Variants in GABRG2 observed in about 807,000 individuals in gnomAD.
GABRG2 encodes gamma-aminobutyric acid type A receptor subunit gamma2, also known as gamma-aminobutyric acid receptor subunit gamma-2.
A neutral mutation model predicts 56.4 loss-of-function variants in GABRG2; 16 were observed. The ratio of observed to expected loss-of-function variants is 0.28; its 90% CI spans 0.19 to 0.43. GABRG2 has a LOEUF of 0.43. Among genes scored for constraint, GABRG2 ranks in the 20% least tolerant of loss-of-function variants. The probability of loss-of-function intolerance (pLI) is 1.00; values close to 1 mark genes in which losing one functional copy is unlikely to be tolerated. For synonymous variants in GABRG2, 208 were observed against 205.5 expected (o/e 1.01, Z -0.10); for missense variants, 327 against 582.7 (o/e 0.56, Z 4.52).
intron 1 of GABRG2, among the ~76,000 whole-genome samples, chr5:162,072,380 CT>C (rs1758741029): frequency 6.6e-6 from 1 of 151,966 alleles, no homozygotes; most frequent in Admixed American, 6.6e-5. Context: ...CCAAACACTT[CT>C]GCCAAATTGG....
At chr5:162,142,458 T>A in intron 7 of GABRG2, 142 bp downstream of exon 7, 4 of 901,214 alleles carry the variant, frequency 4.4e-6, no homozygotes, top group Non-Finnish European at 7.0e-6. Context: ...TCAAGAGAAC[T>A]GGCATTTTTA....
intron 7 of GABRG2, among the ~76,000 whole-genome samples, chr5:162,147,198 TTTCTTTCTTTCTTCC>T (rs1419844642): frequency 6.6e-6 from 1 of 150,650 alleles, no homozygotes; most frequent in Non-Finnish European, 1.5e-5. Flanking sequence ...TTTCTTTCTC[TTTCTTTCTTTCTTCC>T]TTCTTTCTTT....
At chr5:162,108,305 C>T (rs374989053) in intron 6 of GABRG2, among the ~76,000 whole-genome samples, 22 of 152,244 alleles carry the variant, frequency 1.4e-4, no homozygotes, top group African/African-American at 5.1e-4. Context: ...TGAGCACAAG[C>T]TATTGTTTCT....
chr5:162,091,431 G>T (rs1424505248), intron 1 of GABRG2, among the ~76,000 whole-genome samples: 3 of 152,042 alleles, frequency 2.0e-5, no homozygotes, highest in Non-Finnish European at 4.4e-5. Flanking sequence ...CCTTACACGG[G>T]AATGTAATAT....
chr5:162,121,729 C>T (rs1762992286), intron 6 of GABRG2, among the ~76,000 whole-genome samples: 1 of 151,964 alleles, frequency 6.6e-6, no homozygotes, highest in South Asian at 2.1e-4. Context: ...TTTTTAAAGA[C>T]ATGCTGGAGT....
chr5:162,140,327 A>ATTTT (rs1764464357), intron 6 of GABRG2, among the ~76,000 whole-genome samples: 1 of 152,212 alleles, frequency 6.6e-6, no homozygotes, highest in Non-Finnish European at 1.5e-5. Flanking sequence ...AACAAAAGGC[A>ATTTT]GTGTTAAGAG....
intron 6 of GABRG2, among the ~76,000 whole-genome samples, chr5:162,118,204 GGT>G (rs3079259): frequency 0.54 from 78,890 of 145,970 alleles, 21,606 homozygotes; most frequent in South Asian, 0.64. Flanking sequence ...AGGTTCTGAT[GGT>G]GTGTGTGTGT....
At chr5:162,152,811 T>C in intron 9 of GABRG2, 1 of 594,244 alleles carries the variant, frequency 1.7e-6, no homozygotes, top group Non-Finnish European at 3.0e-6. Context: ...TGTAATTTGA[T>C]TTAAATATTT....
chr5:162,095,690 T>A (rs1379567883), intron 3 of GABRG2, 128 bp downstream of exon 3: 2 of 671,350 alleles, frequency 3.0e-6, no homozygotes, highest in Non-Finnish European at 5.3e-6. Context: ...TGAAAGATAG[T>A]CTTCCAGATC....
At chr5:162,141,181 C>T (rs1026322481) in intron 6 of GABRG2, among the ~76,000 whole-genome samples, 20 of 151,840 alleles carry the variant, frequency 1.3e-4, no homozygotes, top group Non-Finnish European at 2.4e-4. Context: ...GGACTACAGG[C>T]GCCCGCCACA....
chr5:162,149,429 C>T (rs1226616076), intron 8 of GABRG2, 116 bp downstream of exon 8: 7 of 918,744 alleles, frequency 7.6e-6, no homozygotes, highest in African/African-American at 1.6e-5. Context: ...ATGAAAACAG[C>T]ATGTATGAGT....
chr5:162,148,067 A>G (rs1304653720), intron 7 of GABRG2, among the ~76,000 whole-genome samples: 1 of 152,208 alleles, frequency 6.6e-6, no homozygotes, highest in Non-Finnish European at 1.5e-5. Flanking sequence ...ACTTTTACAT[A>G]AGAGAGCTCC....
At chr5:162,143,236 G>A (rs554680205) in intron 7 of GABRG2, among the ~76,000 whole-genome samples, 9 of 152,260 alleles carry the variant, frequency 5.9e-5, no homozygotes, top group Admixed American at 3.3e-4. Flanking sequence ...TCACCAGCAC[G>A]CCATTGGCTG....
rs1007137000 is a variant in GABRG2 at position 162,155,204 on chromosome 5, T to C, written c.*1836T>C. 2 of 152,552 alleles carry C rather than the reference T, an allele frequency of 1.3e-5. No individual in the cohort carries two copies. The highest frequency in any genetic ancestry group is 1.9e-4 in the East Asian group (1 of 5,182). The allele number at this position is 152,552 out of a possible 1,614,324, so 9.4% of individuals were successfully genotyped here. A position where few individuals can be genotyped will look rare whatever the true frequency, so the allele number is the denominator to read the frequency against. ...CCTTTAATATATCAGTGCTCCAGTA[T>C]ATAACCTCAAACAAATGTAAATAGA... On this transcript the variant is annotated 3_prime_UTR_variant, in exon 10 of 10. Coordinates refer to ENST00000639213, the MANE Select transcript of GABRG2 (RefSeq NM_198904.4).
intron 6 of GABRG2, among the ~76,000 whole-genome samples, chr5:162,104,847 C>T (rs1168068466): frequency 2.0e-5 from 3 of 152,044 alleles, no homozygotes; most frequent in Non-Finnish European, 2.9e-5. Flanking sequence ...AACCCTCTGT[C>T]GGGCAAGTTA....
chr5:162,091,120 A>T (rs528387179), intron 1 of GABRG2, among the ~76,000 whole-genome samples: 5 of 152,046 alleles, frequency 3.3e-5, no homozygotes, highest in African/African-American at 2.4e-5. Context: ...TTTATTTATA[A>T]TGTAGATGGC....
At chr5:162,076,064 A>T (rs1249279090) in intron 1 of GABRG2, among the ~76,000 whole-genome samples, 2 of 151,938 alleles carry the variant, frequency 1.3e-5, no homozygotes, top group African/African-American at 2.4e-5. Flanking sequence ...ATTCAGGAGG[A>T]TCACTTCAGC....
At chr5:162,124,715 T>C (rs1027344729) in intron 6 of GABRG2, among the ~76,000 whole-genome samples, 8 of 151,766 alleles carry the variant, frequency 5.3e-5, no homozygotes, top group African/African-American at 1.9e-4. Flanking sequence ...AATCTGCATT[T>C]AGAATCTCAA....
chr5:162,109,389 AATATATATATATATATATATAT>A (rs535370579), intron 6 of GABRG2, among the ~76,000 whole-genome samples: 5 of 116,266 alleles, frequency 4.3e-5, no homozygotes, highest in African/African-American at 1.5e-4. Flanking sequence ...CTTAAAGTAT[AATATATATATATATATATATAT>A]ATATATATAT....
Sources: allele counts gnomAD v4.1 joint callset (sites outside exome capture counted in the v4.1 genomes callset), GRCh38; gene constraint gnomAD v4.1.1; transcripts MANE v1.5; gene names NCBI Gene and HGNC (gene_info 2026-07-23, HGNC 2026-07-21).